The following ZNF385B variants were observed in gnomAD, a reference collection of about 807,000 sequenced individuals.
ZNF385B encodes the protein zinc finger protein 533.
Under a neutral mutation model 39.2 loss-of-function variants are expected in ZNF385B, and 23 were observed. That is an observed-to-expected ratio of 0.59 (90% CI 0.42 to 0.83). The LOEUF (loss-of-function observed/expected upper bound fraction) is 0.83, where lower values mean the gene tolerates loss of function less well. Among genes scored for constraint, ZNF385B ranks in the 40% least tolerant of loss-of-function variants. The probability of loss-of-function intolerance (pLI) is 0.00; values close to 1 mark genes in which losing one functional copy is unlikely to be tolerated. For synonymous variants in ZNF385B, 205 were observed against 222.6 expected, an observed-to-expected ratio of 0.92 and a Z score of 0.70; for missense variants, 552 against 598.9, an observed-to-expected ratio of 0.92 and a Z score of 0.82.
chr2:179,850,477 T>A (rs1028983855), intron 1 of ZNF385B, among the ~76,000 whole-genome samples: 3 of 152,226 alleles, frequency 2.0e-5, no homozygotes, highest in Non-Finnish European at 2.9e-5. Context: ...ACCCACTGAA[T>A]CTGGTTGTGC....
intron 3 of ZNF385B, among the ~76,000 whole-genome samples, chr2:179,758,900 TA>T (rs562853896): frequency 6.6e-6 from 1 of 152,240 alleles, no homozygotes; most frequent in East Asian, 1.9e-4. Flanking sequence ...GAATCATAAT[TA>T]AAAAAACATT....
chr2:179,833,702 T>G (rs1356098206), intron 1 of ZNF385B, among the ~76,000 whole-genome samples: 1 of 152,136 alleles, frequency 6.6e-6, no homozygotes, highest in Non-Finnish European at 1.5e-5. Context: ...CAGGTTAATG[T>G]TTTACATATT....
chr2:179,690,303 C>A (rs62175183), intron 3 of ZNF385B, among the ~76,000 whole-genome samples: 8,050 of 152,166 alleles, frequency 0.053, 396 homozygotes, highest in East Asian at 0.21. Context: ...GAGCTAGCTT[C>A]ACGGAAAAGT....
At chr2:179,752,064 T>C (rs904457373) in intron 3 of ZNF385B, among the ~76,000 whole-genome samples, 7 of 152,132 alleles carry the variant, frequency 4.6e-5, no homozygotes, top group African/African-American at 1.2e-4. Flanking sequence ...TAGGTATATC[T>C]CCTAATGTTA....
intron 3 of ZNF385B, among the ~76,000 whole-genome samples, chr2:179,576,472 A>G (rs1685831326): frequency 6.6e-6 from 1 of 152,172 alleles, no homozygotes; most frequent in Non-Finnish European, 1.5e-5. Flanking sequence ...CATGGCCTAC[A>G]TGGTCATAAA....
intron 1 of ZNF385B, chr2:179,796,391 C>T (rs1705667232): frequency 6.6e-6 from 1 of 152,078 alleles, no homozygotes; most frequent in Admixed American, 6.5e-5. Flanking sequence ...TTACTAGATT[C>T]CCCCACTCCT....
chr2:179,841,966 G>T (rs964918518), intron 1 of ZNF385B, among the ~76,000 whole-genome samples: 1 of 152,120 alleles, frequency 6.6e-6, no homozygotes, highest in African/African-American at 2.4e-5. Context: ...AATTACTTAA[G>T]AACACAGATA....
chr2:179,653,402 C>G (rs1693400469), intron 3 of ZNF385B, among the ~76,000 whole-genome samples: 1 of 152,296 alleles, frequency 6.6e-6, no homozygotes, highest in African/African-American at 2.4e-5. Context: ...TGAGTAGTTT[C>G]TATACAGCCT....
chr2:179,510,695 A>C (rs1311295605), intron 5 of ZNF385B, among the ~76,000 whole-genome samples: 1 of 152,166 alleles, frequency 6.6e-6, no homozygotes, highest in Non-Finnish European at 1.5e-5. Flanking sequence ...ATAAATTACA[A>C]ATGTCCAAGA....
chr2:179,571,704 T>C (rs1202085009), intron 3 of ZNF385B, among the ~76,000 whole-genome samples: 1 of 152,188 alleles, frequency 6.6e-6, no homozygotes, highest in African/African-American at 2.4e-5. Flanking sequence ...TCAAATACAA[T>C]ATTAGACAGT....
chr2:179,614,463 T>C (rs1462046899), intron 3 of ZNF385B, among the ~76,000 whole-genome samples: 1 of 152,244 alleles, frequency 6.6e-6, no homozygotes, highest in Non-Finnish European at 1.5e-5. Flanking sequence ...AATTTTAACA[T>C]TTAAACTTCT....
At chr2:179,659,863 T>A (rs1694261090) in intron 3 of ZNF385B, among the ~76,000 whole-genome samples, 1 of 152,226 alleles carries the variant, frequency 6.6e-6, no homozygotes, top group African/African-American at 2.4e-5. Flanking sequence ...ATACTGATCA[T>A]GACTGCTTCT....
rs1703749587 is a variant in ZNF385B, at chr2:179,767,147, T to C, written c.298+2356A>G. ...GAAGGCTTCTGCTAACAACTATGAG[T>C]AAGCTGGAAGATGCAGCTATCTCAC... On this transcript the variant is annotated intron_variant, in intron 3 of 9. Transcript: ENST00000410066. Among the ~76,000 whole-genome samples the C allele has an allele frequency of 2.0e-5, 3 of 152,134 alleles. No homozygotes were observed. In the South Asian group the frequency reaches 6.2e-4, roughly 32 times the overall value.
At chr2:179,669,830 C>T (rs919472317) in intron 3 of ZNF385B, among the ~76,000 whole-genome samples, 4 of 152,176 alleles carry the variant, frequency 2.6e-5, no homozygotes, top group Non-Finnish European at 5.9e-5. Context: ...ACAGTTTAGA[C>T]ACCAGAGGTC....
rs1254509433 is a variant in ZNF385B, at chr2:179,755,918, T to C, written c.298+13585A>G. ...TAGTCTGTGTCTTTTAATTGGAGCA[T>C]TTAGCCCATTTACATTTAAGGTTAA... On this transcript the variant is annotated intron_variant, in intron 3 of 9. Coordinates refer to ENST00000410066, the MANE Select transcript of ZNF385B (RefSeq NM_152520.6). 6.6e-5 allele frequency among the ~76,000 whole-genome samples: 10 copies of C among 152,216 alleles called. 1 individual carries two copies. The highest frequency in any genetic ancestry group is 2.6e-4 in the Admixed American group (4 of 15,288).
chr2:179,474,485 G>A (rs967162347), intron 6 of ZNF385B, among the ~76,000 whole-genome samples: 1 of 152,012 alleles, frequency 6.6e-6, no homozygotes, highest in East Asian at 1.9e-4. Context: ...CTTTCTATCT[G>A]AATAACTCTG....
chr2:179,846,414 G>C (rs923419193), intron 1 of ZNF385B, among the ~76,000 whole-genome samples: 1 of 152,218 alleles, frequency 6.6e-6, no homozygotes, highest in East Asian at 1.9e-4. Context: ...TAGAAACGGG[G>C]TTGCCCAGGA....
chr2:179,788,633 T>C lies in ZNF385B; in HGVS notation c.-154-17961A>G, dbSNP rs934538499. Among the ~76,000 whole-genome samples, 8 of 152,038 alleles carry C rather than the reference T, an allele frequency of 5.3e-5. No homozygotes were observed. In the South Asian group the frequency reaches 8.3e-4, roughly 16 times the overall value. On this transcript the variant is annotated intron_variant, in intron 1 of 9. Transcript: ENST00000410066. ...ATTACTGAGAAGAAGGTCAGGTATA[T>C]AAAAGACAATGATGAGAACAGGCCA... is the stretch of plus-strand genomic sequence containing the variant.
At chr2:179,631,002 A>G (rs1410773469) in intron 3 of ZNF385B, among the ~76,000 whole-genome samples, 1 of 152,216 alleles carries the variant, frequency 6.6e-6, no homozygotes, top group African/African-American at 2.4e-5. Flanking sequence ...CAAAGCCTCC[A>G]AGAAACAGGG....
Sources: allele counts gnomAD v4.1 joint callset (sites outside exome capture counted in the v4.1 genomes callset), GRCh38; gene constraint gnomAD v4.1.1; transcripts MANE v1.5; gene names NCBI Gene and HGNC (gene_info 2026-07-23, HGNC 2026-07-21).